Variants in TSPYL2 observed in about 807,000 individuals in gnomAD.
TSPYL2 encodes the protein TSPY like 2.
TSPYL2 carries 9 observed loss-of-function variants against 33.0 expected under a neutral mutation model. That is an observed-to-expected ratio of 0.27 (90% CI 0.16 to 0.48). The LOEUF (loss-of-function observed/expected upper bound fraction) is 0.48. TSPYL2 is among the 20% of genes least tolerant of loss of function. The probability of loss-of-function intolerance (pLI) is 0.99; values close to 1 mark genes in which losing one functional copy is unlikely to be tolerated. For missense variants in TSPYL2, 636 were observed against 586.2 expected, an observed-to-expected ratio of 1.08 and a Z score of -0.88; for synonymous variants, 330 against 233.6, an observed-to-expected ratio of 1.41 and a Z score of -3.77.
At chrX:53,086,646 T>G in intron 6 of TSPYL2, 1 of 298,418 alleles carries the variant, frequency 3.4e-6, no homozygotes, top group South Asian at 4.6e-5. Context: ...TTCAGCACAG[T>G]CTGTACCCGG....
chrX:53,085,001 G>C lies in TSPYL2; in HGVS notation c.1045G>C (p.Glu349Gln). ...STPIRWHRGQ[E>Q]PQARRHGNQD... ...CCCAATCCGCTGGCACCGGGGCCAG[G>C]AACCCCAGGCCCGTCGTCACGGGAA... Residue 349 changes from glutamate to glutamine, a missense_variant, in exon 4 of 7, where the codon GAA becomes CAA. Around this residue, in one of 3 missense-constraint regions of TSPYL2, gnomAD observed 401 missense variants for 363.0 expected, o/e 1.10. Coordinates refer to ENST00000375442, the MANE Select transcript of TSPYL2 (RefSeq NM_022117.4). The C allele has an allele frequency of 8.3e-7, 1 of 1,211,482 alleles. No individual in the cohort carries two copies. The highest frequency in any genetic ancestry group is 1.1e-6 in the Non-Finnish European group (1 of 895,364).
In TSPYL2 at chrX:53,082,502, G is replaced by T. The variant is rs1556807111; in HGVS notation, c.4G>T (p.Asp2Tyr). 7 of 1,158,301 alleles carry T rather than the reference G, an allele frequency of 6.0e-6. No homozygotes were observed. In the Admixed American group the frequency reaches 1.8e-4, roughly 30 times the overall value. The change falls in exon 1 of 7, where the codon GAC becomes TAC. Residue 2 changes from aspartate (D) to tyrosine (Y), a missense_variant. Transcript: ENST00000375442. ...GAGCTGTACGAACGCGGTCGCCATG[G>T]ACCGCCCAGATGAGGGGCCTCCGGC... M[D>Y]RPDEGPPAKT...
Position 53,084,767 on chromosome X carries a change from A to G in TSPYL2, c.898A>G (p.Arg300Gly). The change falls in exon 3 of 7, where the codon AGA becomes GGA. Residue 300 changes from arginine (R) to glycine (G), a missense_variant. Arg to Gly is a moderately radical substitution (Grantham distance 125, BLOSUM62 -2). Coordinates refer to ENST00000375442, the MANE Select transcript of TSPYL2 (RefSeq NM_022117.4). ...YLTNLQVQDL[R>G]HISMGYKMKL... ...CCACCTGGAGCAGGTACAGGATCTC[A>G]GACATATCTCCATGGGCTACAAAAT... is the stretch of plus-strand genomic sequence containing the variant. 2 of 1,209,468 alleles carry G rather than the reference A, an allele frequency of 1.7e-6. No individual in the cohort carries two copies. The highest frequency in any genetic ancestry group is 3.5e-5 in the South Asian group (2 of 56,884).
At position 53,083,498 on chromosome X, in the gene TSPYL2, G is replaced by A. The variant is rs138354853; in HGVS notation, c.807+193G>A. Among the ~76,000 whole-genome samples, 132 of 107,209 alleles carry A rather than the reference G, an allele frequency of 1.2e-3. 1 individual carries two copies. The highest frequency in any genetic ancestry group is 9.4e-3 in the East Asian group (32 of 3,408). 93.1% of individuals were successfully genotyped at this position (107,209 alleles called of 115,157 possible). A position where few individuals can be genotyped will look rare whatever the true frequency, so the allele number is the denominator to read the frequency against. Reference sequence around the variant, plus strand: ...AAAACAGCAGAGAAGCTGGACTGGAGATGATGAAGGGTGGTGGAGGGGGGG... The same window carrying A: ...AAAACAGCAGAGAAGCTGGACTGGAAATGATGAAGGGTGGTGGAGGGGGGG... On this transcript the variant is annotated intron_variant, in intron 1 of 6. Transcript: ENST00000375442.
Position 53,087,554 on chromosome X carries a change from C to T in TSPYL2, c.1919-222C>T. The T allele has an allele frequency of 3.6e-5, 15 of 415,467 alleles. 1 individual carries two copies. The highest frequency in any genetic ancestry group is 6.3e-5 in the Non-Finnish European group (15 of 237,566). 34.2% of individuals were successfully genotyped at this position (415,467 alleles called of 1,213,427 possible). A position where few individuals can be genotyped will look rare whatever the true frequency, so the allele number is the denominator to read the frequency against. ...TCAGTTTTGACAGAGGCAGGGATCC[C>T]ACACTGCCTTCCTGCCTCCCTCCAT... On this transcript the variant is annotated intron_variant, in intron 6 of 6. Transcript: ENST00000375442.
In TSPYL2 at chrX:53,085,371, G is replaced by A. The variant is rs782442525; in HGVS notation, c.1238+50G>A. ...GGTGGTTTGTTGGGGATGGGGAAAA[G>A]ACTAGTGTAACACAGGATTTATGGA... On this transcript the variant is annotated intron_variant, in intron 5 of 6. Transcript: ENST00000375442. The A allele has an allele frequency of 7.6e-6, 8 of 1,047,076 alleles. No individual in the cohort carries two copies. The African/African-American group carries it at 1.5e-4, about 20-fold the overall frequency. 86.3% of individuals were successfully genotyped at this position (1,047,076 alleles called of 1,213,427 possible).
At position 53,085,035 on chromosome X, in the gene TSPYL2, C is replaced by A; in HGVS notation, c.1079C>A (p.Ala360Glu). 1 of 1,211,338 alleles carries A rather than the reference C, an allele frequency of 8.3e-7. No individual in the cohort carries two copies. The change falls in exon 4 of 7, where the codon GCG becomes GAG. Residue 360 changes from alanine (A) to glutamate (E), a missense_variant. Physicochemically the swap from Ala to Glu is moderately radical, Grantham distance 107. This residue lies in a region of TSPYL2 where 401 missense variants were observed against 363.0 expected (regional missense o/e 1.10). Transcript: ENST00000375442. ...GCCCGTCGTCACGGGAACCAGGATG[C>A]GAGCCACAGCTTTTTCAGCTGGTTC... ...PQARRHGNQD[A>E]SHSFFSWFSN...
intron 6 of TSPYL2, 60 bp from the exon 7 acceptor site, chrX:53,087,716 C>A: frequency 1.8e-6 from 2 of 1,125,674 alleles, no homozygotes; most frequent in Admixed American, 5.2e-5. Flanking sequence ...TAGAGTGACA[C>A]CTATCTGCTC....
Position 53,082,823 on chromosome X carries a change from C to T in TSPYL2, c.325C>T (p.Pro109Ser), listed in dbSNP as rs1295191118. The change falls in exon 1 of 7, where the codon CCC becomes TCC. Residue 109 changes from proline to serine, a missense_variant. Physicochemically the swap from Pro to Ser is moderately conservative, Grantham distance 74. Coordinates refer to ENST00000375442, the MANE Select transcript of TSPYL2 (RefSeq NM_022117.4). Reference protein sequence around the residue: ...STIESGYGEAPPPTESLEALP... With the variant: ...STIESGYGEASPPTESLEALP... ...CATCGAGTCGGGGTATGGGGAGGCG[C>T]CCCCGCCCACGGAGAGCCTGGAAGC... 5.0e-6 allele frequency: 6 copies of T among 1,202,788 alleles called. No homozygotes were observed. Among genetic ancestry groups the T allele is most frequent in the Non-Finnish European group, 6.7e-6 (6 of 891,544 alleles).
rs141795631 is a variant in TSPYL2 at position 53,084,003 on chromosome X, C to G, written c.808-542C>G. Reference sequence around the variant, plus strand: ...TAATAGAATTATGTGGATACAGACCCTTAGCCCTCATATGAAACAGCACAT... The same window carrying G: ...TAATAGAATTATGTGGATACAGACCGTTAGCCCTCATATGAAACAGCACAT... On this transcript the variant is annotated intron_variant, in intron 1 of 6. Transcript: ENST00000375442. 7.5e-4 allele frequency among the ~76,000 whole-genome samples: 84 copies of G among 112,050 alleles called. No individual in the cohort carries two copies. The East Asian group carries it at 0.023, about 31-fold the overall frequency.
chrX:53,084,658 C>T, intron 2 of TSPYL2, 36 bp downstream of exon 2: 1 of 1,194,108 alleles, frequency 8.4e-7, no homozygotes, highest in Non-Finnish European at 1.1e-6. Flanking sequence ...TAGGATCGGG[C>T]ACGAATCTGG....
rs1271323547 is a variant in TSPYL2, at chrX:53,082,421, G to C, written c.-78G>C. On this transcript the variant is annotated 5_prime_UTR_variant, in exon 1 of 7. Transcript: ENST00000375442. The stretch of plus-strand genomic sequence containing the variant: ...GTGAGTCTCCTCAGCTCTGCTTACC[G>C]GTGCGACTAGCGGCAGCGACGCGGC... 3.0e-6 allele frequency: 3 copies of C among 988,730 alleles called. No individual in the cohort carries two copies. Among genetic ancestry groups the C allele is most frequent in the Non-Finnish European group, 4.0e-6 (3 of 750,808 alleles). The allele number at this position is 988,730 out of a possible 1,213,427, so 81.5% of individuals were successfully genotyped here.
rs782384748 is a variant in TSPYL2 at position 53,085,817 on chromosome X, C to T, written c.1425C>T (p.Asn475=). 3 of 1,209,765 alleles carry T rather than the reference C, an allele frequency of 2.5e-6. No homozygotes were observed. Among genetic ancestry groups the T allele is most frequent in the Non-Finnish European group, 3.4e-6 (3 of 895,211 alleles). The change falls in exon 6 of 7, where the codon AAC becomes AAT. Residue 475 remains asparagine, a synonymous_variant. Transcript: ENST00000375442. ...TDNEITDINE[N]ICDSENPDHN... The stretch of plus-strand genomic sequence containing the variant: ...ATGAGATAACTGACATCAATGAGAA[C>T]ATCTGCGACAGCGAGAATCCTGACC...
At chrX:53,084,933 C>T in intron 3 of TSPYL2, 21 bp from the exon 4 acceptor site, 1 of 1,208,878 alleles carries the variant, frequency 8.3e-7, no homozygotes, top group South Asian at 1.8e-5. Context: ...GTCCCATCTC[C>T]ATAGCCTTCT....
intron 6 of TSPYL2, chrX:53,086,768 T>TGG (rs782006780): frequency 4.6e-5 from 2 of 43,921 alleles, no homozygotes; most frequent in Non-Finnish European, 7.7e-5. Context: ...AGAATCGGGG[T>TGG]GGGGGGGGTG....
rs1932793524 is a variant in TSPYL2 at position 53,088,193 on chromosome X, G to A, written c.*254G>A. On this transcript the variant is annotated 3_prime_UTR_variant, in exon 7 of 7. Transcript: ENST00000375442. ...CTGTGTGCTGCTAACTGTATTTATT[G>A]TGATGCCTTGGTCAGGGCCCCTCTA... The A allele has an allele frequency of 1.1e-5, 4 of 368,043 alleles. No homozygotes were observed. The East Asian group carries it at 1.7e-4, about 16-fold the overall frequency. The allele number at this position is 368,043 out of a possible 1,213,427, so 30.3% of individuals were successfully genotyped here.
rs1234857280 is a variant in TSPYL2, at chrX:53,082,619, C to G, written c.121C>G (p.Pro41Ala). Residue 41 changes from proline to alanine, a missense_variant, in exon 1 of 7, where the codon CCA (proline) becomes GCA (alanine). Around this residue, in one of 3 missense-constraint regions of TSPYL2, gnomAD observed 231 missense variants for 201.6 expected, o/e 1.15. Coordinates refer to ENST00000375442, the MANE Select transcript of TSPYL2 (RefSeq NM_022117.4). ...GCCGCTCCTCCGACTGCCGCTGCCT[C>G]CACCCCAGCAGCGCCCGAGGCTCCA... Reference protein sequence around the residue: ...PPPLLRLPLPPPQQRPRLQEE... With the variant: ...PPPLLRLPLPAPQQRPRLQEE... The G allele has an allele frequency of 8.7e-7, 1 of 1,153,659 alleles. No individual in the cohort carries two copies. The highest frequency in any genetic ancestry group is 1.8e-5 in the African/African-American group (1 of 55,045).
rs1556808060 is a variant in TSPYL2, at chrX:53,085,045, C to T, written c.1089C>T (p.Ser363=). The T allele has an allele frequency of 1.7e-6, 2 of 1,211,690 alleles. No individual in the cohort carries two copies. Among genetic ancestry groups the T allele is most frequent in the South Asian group, 1.8e-5 (1 of 56,998 alleles). ...RRHGNQDASH[S]FFSWFSNHSL... ...ACGGGAACCAGGATGCGAGCCACAG[C>T]TTTTTCAGCTGGTTCTCAAACCATA... The change falls in exon 4 of 7, where the codon AGC becomes AGT. Residue 363 remains serine, a synonymous_variant. Transcript: ENST00000375442.
Position 53,083,053 on chromosome X carries a change from C to A in TSPYL2, c.555C>A (p.Ser185Arg). Residue 185 changes from serine (S) to arginine (R), a missense_variant, in exon 1 of 7, where the codon AGC becomes AGA. Ser to Arg is a moderately radical substitution (Grantham distance 110). Transcript: ENST00000375442. ...AGGATGAGCGGGAGAGTATGAGGAG[C>A]AGCAGGAGGCGGCGGCGGCGGCGGA... is the stretch of plus-strand genomic sequence containing the variant. ...EDEDERESMR[S>R]SRRRRRRRRR... The A allele has an allele frequency of 2.5e-6, 3 of 1,203,631 alleles. No homozygotes were observed. The highest frequency in any genetic ancestry group is 3.4e-6 in the Non-Finnish European group (3 of 890,690).
Sources: gnomAD v4.1 joint callset for allele counts (sites outside exome capture counted in the v4.1 genomes callset) on GRCh38, gnomAD v4.1.1 for gene constraint, gnomAD v4.1.1 regional missense constraint, MANE v1.5 for transcripts, NCBI Gene and HGNC (gene_info 2026-07-23, HGNC 2026-07-21) for gene names.